CACNA2D3: variants seen among roughly 807,000 people sequenced by gnomAD.
CACNA2D3 encodes the protein voltage-dependent calcium channel subunit alpha-2/delta-3.
CACNA2D3 carries 60 observed loss-of-function variants against 160.6 expected under a neutral mutation model. The ratio of observed to expected loss-of-function variants is 0.37; its 90% CI spans 0.30 to 0.46. CACNA2D3 has a LOEUF of 0.46. Ranked by LOEUF, CACNA2D3 falls within the 20% of genes least tolerant of loss-of-function variation. The pLI is 1.00. For synonymous variants in CACNA2D3, 558 were observed against 492.9 expected (o/e 1.13, Z -1.75); for missense variants, 1,205 against 1,365.0 (o/e 0.88, Z 1.85).
intron 11 of CACNA2D3, among the ~76,000 whole-genome samples, chr3:54,715,397 G>A (rs1265220388): frequency 6.6e-6 from 1 of 152,176 alleles, no homozygotes. Context: ...ATGTTCAGCT[G>A]TCTGAAACCT....
Position 54,249,558 on chromosome 3 carries a change from T to TACACACACACACACACACACACAC in CACNA2D3, c.205-70877_205-70854dup, listed in dbSNP as rs149515122. 5.0e-3 allele frequency among the ~76,000 whole-genome samples: 618 copies of TACACACACACACACACACACACAC among 123,852 alleles called. 20 individuals are homozygous for TACACACACACACACACACACACAC. Among genetic ancestry groups the TACACACACACACACACACACACAC allele is most frequent in the East Asian group, 0.012 (51 of 4,170 alleles). 81.3% of individuals were successfully genotyped at this position (123,852 alleles called of 152,430 possible). ...CTTAGAATAAATGTCTCTGTTTACG[T>TACACACACACACACACACACACAC]ACACACACACACACACACACACACA... On this transcript the variant is annotated intron_variant, in intron 2 of 37. Coordinates refer to ENST00000474759, the MANE Select transcript of CACNA2D3 (RefSeq NM_018398.3).
In CACNA2D3 at chr3:54,879,405, C is replaced by A; in HGVS notation, c.1838C>A (p.Pro613His). 6.2e-7 allele frequency: 1 copy of A among 1,608,158 alleles called. No homozygotes were observed. Among genetic ancestry groups the A allele is most frequent in the Non-Finnish European group, 8.5e-7 (1 of 1,176,216 alleles). Residue 613 changes from proline (P) to histidine (H), a missense_variant, in exon 20 of 38, where the codon CCT becomes CAT. Pro to His is a moderately conservative substitution (Grantham distance 77). Coordinates refer to ENST00000474759, the MANE Select transcript of CACNA2D3 (RefSeq NM_018398.3). ...DYYYTDIKGT[P>H]FSLGVALSRG... The stretch of plus-strand genomic sequence containing the variant: ...TATTATACAGACATCAAGGGTACTC[C>A]TTTCAGGTAGAGCTGACCATAATAC...
At chr3:54,696,120 A>G (rs562587122) in intron 11 of CACNA2D3, among the ~76,000 whole-genome samples, 3 of 152,050 alleles carry the variant, frequency 2.0e-5, no homozygotes, top group Admixed American at 6.6e-5. Flanking sequence ...GCTTCTAGTA[A>G]CTCCACCATT....
chr3:54,407,884 T>G (rs1174819548), intron 4 of CACNA2D3, among the ~76,000 whole-genome samples: 1 of 152,170 alleles, frequency 6.6e-6, no homozygotes, highest in Non-Finnish European at 1.5e-5. Flanking sequence ...TGCTGTGGCT[T>G]CTTTGCTCAT....
At chr3:54,166,804 G>A (rs1275566686) in intron 2 of CACNA2D3, among the ~76,000 whole-genome samples, 1 of 152,172 alleles carries the variant, frequency 6.6e-6, no homozygotes, top group Non-Finnish European at 1.5e-5. Context: ...GTATCTCTTT[G>A]ATGTGGAGAG....
chr3:54,691,003 G>A (rs1700560428), intron 11 of CACNA2D3, among the ~76,000 whole-genome samples: 1 of 152,002 alleles, frequency 6.6e-6, no homozygotes, highest in Non-Finnish European at 1.5e-5. Context: ...GAAGTATGAA[G>A]TTTTTTGGTT....
At chr3:54,937,352 CA>C (rs1261465629) in intron 27 of CACNA2D3, among the ~76,000 whole-genome samples, 11 of 152,310 alleles carry the variant, frequency 7.2e-5, no homozygotes, top group Admixed American at 7.2e-4. Flanking sequence ...TACCACTATG[CA>C]AATACAGTTG....
At chr3:54,681,777 C>T (rs1050480238) in intron 11 of CACNA2D3, among the ~76,000 whole-genome samples, 2 of 152,074 alleles carry the variant, frequency 1.3e-5, no homozygotes, top group African/African-American at 4.8e-5. Flanking sequence ...CTCCTGGGGT[C>T]AAGTGATTCT....
At chr3:54,178,535 CG>C (rs1201645369) in intron 2 of CACNA2D3, among the ~76,000 whole-genome samples, 68 of 152,258 alleles carry the variant, frequency 4.5e-4, no homozygotes, top group Admixed American at 4.4e-3. Context: ...AAGAAAAAGG[CG>C]AAGTTGAGTG....
chr3:54,858,465 T>TG (rs770545639), intron 17 of CACNA2D3, among the ~76,000 whole-genome samples: 20 of 152,320 alleles, frequency 1.3e-4, no homozygotes, highest in Non-Finnish European at 2.4e-4. Flanking sequence ...GACAGCCTGC[T>TG]GGGGGGAGAG....
At chr3:54,432,684 G>A (rs1027624340) in intron 4 of CACNA2D3, among the ~76,000 whole-genome samples, 2 of 152,132 alleles carry the variant, frequency 1.3e-5, no homozygotes, top group African/African-American at 4.8e-5. Flanking sequence ...TTCAGCATAT[G>A]CATATTGCTG....
chr3:54,883,610 A>G (rs1699852658), intron 21 of CACNA2D3, among the ~76,000 whole-genome samples: 1 of 152,114 alleles, frequency 6.6e-6, no homozygotes, highest in Non-Finnish European at 1.5e-5. Context: ...GAGGATGGGA[A>G]CTGCAACTAG....
At chr3:54,622,084 G>A (rs924867196) in intron 9 of CACNA2D3, among the ~76,000 whole-genome samples, 2 of 152,152 alleles carry the variant, frequency 1.3e-5, no homozygotes, top group African/African-American at 4.8e-5. Flanking sequence ...GGAATTGGAA[G>A]GAAGTCCTGC....
At chr3:55,039,297 G>A (rs1423900375) in intron 35 of CACNA2D3, among the ~76,000 whole-genome samples, 3 of 151,974 alleles carry the variant, frequency 2.0e-5, no homozygotes, top group African/African-American at 7.3e-5. Flanking sequence ...CCCCCAAAAC[G>A]ATAATTCAGA....
intron 4 of CACNA2D3, among the ~76,000 whole-genome samples, chr3:54,470,436 A>G (rs1388021338): frequency 1.3e-5 from 2 of 152,232 alleles, no homozygotes; most frequent in Admixed American, 1.3e-4. Context: ...AGGAAGCACT[A>G]AATATGGAAA....
chr3:54,419,984 T>C (rs1224241230), intron 4 of CACNA2D3, among the ~76,000 whole-genome samples: 1 of 152,118 alleles, frequency 6.6e-6, no homozygotes, highest in Non-Finnish European at 1.5e-5. Context: ...CAAGCTGGTC[T>C]CAAACTCCTG....
intron 2 of CACNA2D3, among the ~76,000 whole-genome samples, chr3:54,136,863 A>G (rs1221416447): frequency 6.6e-6 from 1 of 152,228 alleles, no homozygotes; most frequent in East Asian, 1.9e-4. Context: ...ATGTGAACAG[A>G]CATCTCAGGT....
chr3:54,290,668 A>G (rs1487592404), intron 2 of CACNA2D3, among the ~76,000 whole-genome samples: 8 of 151,942 alleles, frequency 5.3e-5, no homozygotes, highest in African/African-American at 1.4e-4. Context: ...CCAAATGTCC[A>G]ACAATGATAG....
At chr3:54,605,815 G>T (rs1313274871) in intron 9 of CACNA2D3, among the ~76,000 whole-genome samples, 1 of 152,186 alleles carries the variant, frequency 6.6e-6, no homozygotes, top group African/African-American at 2.4e-5. Context: ...AATGCAGACA[G>T]GAACTGATTG....
Sources: allele counts gnomAD v4.1 joint callset (sites outside exome capture counted in the v4.1 genomes callset), GRCh38; gene constraint gnomAD v4.1.1; transcripts MANE v1.5; gene names NCBI Gene and HGNC (gene_info 2026-07-23, HGNC 2026-07-21).